SLC24A2: variants seen among roughly 807,000 people sequenced by gnomAD.
The protein encoded by SLC24A2 is solute carrier family 24 member 2.
In SLC24A2, 36 loss-of-function variants were observed where a neutral mutation model predicts 62.0. The observed-to-expected ratio is 0.58, with a 90% CI of 0.44 to 0.77. SLC24A2 has a LOEUF of 0.77. Ranked by LOEUF, SLC24A2 falls within the 30% of genes least tolerant of loss-of-function variation. The pLI, the probability that SLC24A2 is intolerant of heterozygous loss-of-function variation, is 0.00. For missense variants in SLC24A2, 846 were observed against 817.9 expected (o/e 1.03, Z -0.42); for synonymous variants, 358 against 294.0 (o/e 1.22, Z -2.23).
chr9:19,686,357 C>G (rs7848076), intron 2 of SLC24A2, among the ~76,000 whole-genome samples: 106,030 of 151,996 alleles, frequency 0.7, 38,154 homozygotes, highest in East Asian at 0.93. Context: ...AGTGATTTTT[C>G]AAAGAACTTA....
Position 19,691,940 on chromosome 9 carries a change from T to C in SLC24A2, c.931-69641A>G, listed in dbSNP as rs547410071. Among the ~76,000 whole-genome samples the C allele has an allele frequency of 2.6e-5, 4 of 152,222 alleles. No homozygotes were observed. In the South Asian group the frequency reaches 8.3e-4, roughly 32 times the overall value. On this transcript the variant is annotated intron_variant, in intron 2 of 10. Transcript: ENST00000341998. ...TGCTCAGGGCACTCCAATGCCTTTA[T>C]ACTACAAGGGAAGATTGTTTGCAAG...
the SLC24A2 span, among the ~76,000 whole-genome samples, chr9:19,972,581 C>T: frequency 2.0e-5 from 3 of 151,852 alleles, no homozygotes; most frequent in Admixed American, 6.6e-5. Flanking sequence ...CAGTCCACAG[C>T]GAGATGATAC....
chr9:19,962,981 T>C, the SLC24A2 span, among the ~76,000 whole-genome samples: 23 of 152,316 alleles, frequency 1.5e-4, no homozygotes, highest in African/African-American at 5.3e-4. Context: ...TTCAGTATGA[T>C]ATTGGCTGTG....
rs1185902691 is a variant in SLC24A2 at position 19,516,225 on chromosome 9, G to A, written c.1914C>T (p.Gly638=). 1 of 1,614,188 alleles carries A rather than the reference G, an allele frequency of 6.2e-7. No individual in the cohort carries two copies. The highest frequency in any genetic ancestry group is 8.5e-7 in the Non-Finnish European group (1 of 1,180,022). The part of the protein sequence containing the change: ...MNKILGFIMF[G]LYFVFLVVSV... ...TCACCACCAGGAACACAAAGTAGAG[G>A]CCAAACATGATGAAGCCCAGGATTT... The change falls in exon 11 of 11, where the codon GGC becomes GGT. Residue 638 remains glycine, a synonymous_variant. Coordinates refer to ENST00000341998, the MANE Select transcript of SLC24A2 (RefSeq NM_020344.4).
chr9:19,871,183 A>G, the SLC24A2 span, among the ~76,000 whole-genome samples: 1 of 152,130 alleles, frequency 6.6e-6, no homozygotes, highest in Non-Finnish European at 1.5e-5. Context: ...TTCTTTGAAC[A>G]TGTAATTCCA....
At chr9:19,619,229 A>G (rs921327253) in intron 4 of SLC24A2, among the ~76,000 whole-genome samples, 1 of 152,170 alleles carries the variant, frequency 6.6e-6, no homozygotes, top group Non-Finnish European at 1.5e-5. Context: ...CTTCACACAC[A>G]ATTTTGTTTT....
At chr9:20,031,351 T>TTA in the SLC24A2 span, among the ~76,000 whole-genome samples, 3,086 of 141,554 alleles carry the variant, frequency 0.022, 37 homozygotes, top group Middle Eastern at 0.048. Context: ...TACACACACT[T>TTA]TATATATATA....
chr9:19,886,155 T>C, the SLC24A2 span, among the ~76,000 whole-genome samples: 1 of 152,182 alleles, frequency 6.6e-6, no homozygotes, highest in Non-Finnish European at 1.5e-5. Context: ...CTGTTTTAAA[T>C]TATTTGAGAA....
chr9:20,060,061 G>A, the SLC24A2 span, among the ~76,000 whole-genome samples: 1 of 152,028 alleles, frequency 6.6e-6, no homozygotes, highest in East Asian at 1.9e-4. Flanking sequence ...TAGATGAAAT[G>A]GACAAATTCC....
the SLC24A2 span, among the ~76,000 whole-genome samples, chr9:19,815,959 CTTTTT>C: frequency 4.0e-4 from 41 of 103,456 alleles, 2 homozygotes; most frequent in African/African-American, 1.3e-3. Context: ...TTTTTTGCCC[CTTTTT>C]TTTTTTTTTT....
At chr9:19,746,381 C>T (rs1354892422) in intron 2 of SLC24A2, among the ~76,000 whole-genome samples, 2 of 152,222 alleles carry the variant, frequency 1.3e-5, no homozygotes, top group Middle Eastern at 3.4e-3. Flanking sequence ...GGAAAAATTG[C>T]TAATCCCTTA....
chr9:19,859,490 A>G, the SLC24A2 span, among the ~76,000 whole-genome samples: 25 of 152,264 alleles, frequency 1.6e-4, no homozygotes, highest in African/African-American at 5.3e-4. Flanking sequence ...GTATCCCTGA[A>G]CCTAAAATAA....
At chr9:20,120,411 G>C in the SLC24A2 span, among the ~76,000 whole-genome samples, 1 of 152,254 alleles carries the variant, frequency 6.6e-6, no homozygotes, top group African/African-American at 2.4e-5. Flanking sequence ...TGCAGCTGGA[G>C]TTGGAGCTGG....
Position 19,521,094 on chromosome 9 carries a change from T to A in SLC24A2, c.1570-34A>T, listed in dbSNP as rs139054809. 1.1e-4 allele frequency: 169 copies of A among 1,609,346 alleles called. No individual in the cohort carries two copies. The African/African-American group carries it at 2.0e-3, about 19-fold the overall frequency. ...CAGGACAGGAATAAACATCTCAGTG[T>A]TTGAAGTTACAAAATCATAAAAATC... is the stretch of plus-strand genomic sequence containing the variant. On this transcript the variant is annotated intron_variant, in intron 9 of 10. Transcript: ENST00000341998.
chr9:19,701,480 T>C (rs1431222066), intron 2 of SLC24A2, among the ~76,000 whole-genome samples: 1 of 152,176 alleles, frequency 6.6e-6, no homozygotes, highest in Non-Finnish European at 1.5e-5. Context: ...CTCTGAGCTG[T>C]GTTGTATTAG....
Position 19,511,320 on chromosome 9 carries a change from CA to C in SLC24A2, c.*4832del, listed in dbSNP as rs1275392189. On this transcript the variant is annotated 3_prime_UTR_variant, in exon 11 of 11. Coordinates refer to ENST00000341998, the MANE Select transcript of SLC24A2 (RefSeq NM_020344.4). ...GGCAGAGGCAGAGTCAGGGAGCTAACAGTAAATAGAAGGTGGAATAGGGCAG... is the reference window on the plus strand; with the variant it reads ...GGCAGAGGCAGAGTCAGGGAGCTAACGTAAATAGAAGGTGGAATAGGGCAG... The C allele has an allele frequency of 2.0e-5, 3 of 152,064 alleles. No homozygotes were observed. The allele number at this position is 152,064 out of a possible 1,614,324, so 9.4% of individuals were successfully genotyped here. A position where few individuals can be genotyped will look rare whatever the true frequency, so the allele number is the denominator to read the frequency against.
chr9:19,941,993 ATAAT>A, the SLC24A2 span, among the ~76,000 whole-genome samples: 1 of 152,208 alleles, frequency 6.6e-6, no homozygotes, highest in Non-Finnish European at 1.5e-5. Flanking sequence ...TAGACAATGA[ATAAT>A]TACTTTAGGG....
the SLC24A2 span, among the ~76,000 whole-genome samples, chr9:20,287,516 C>T: frequency 4.6e-4 from 70 of 152,154 alleles, 1 homozygote; most frequent in African/African-American, 1.4e-3. Flanking sequence ...TTGGTAGCCT[C>T]TAGAAAAAAT....
At chr9:19,810,995 C>CAAAG in the SLC24A2 span, among the ~76,000 whole-genome samples, 3 of 7,484 alleles carry the variant, frequency 4.0e-4, no homozygotes, top group Non-Finnish European at 6.4e-3. Context: ...TTTCACTCCG[C>CAAAG]AGTGAACAAT....
Sources: gnomAD v4.1 joint callset for allele counts (sites outside exome capture counted in the v4.1 genomes callset) on GRCh38, gnomAD v4.1.1 for gene constraint, MANE v1.5 for transcripts, NCBI Gene and HGNC (gene_info 2026-07-23, HGNC 2026-07-21) for gene names.